Variants in RETREG1 observed in about 807,000 individuals in gnomAD.
RETREG1 encodes the protein family with sequence similarity 134 member B.
A neutral mutation model predicts 54.8 loss-of-function variants in RETREG1; 44 were observed. That is an observed-to-expected ratio of 0.80 (90% CI 0.63 to 1.03). RETREG1 has a LOEUF of 1.03. Ranked by LOEUF, RETREG1 falls within the 50% of genes least tolerant of loss-of-function variation. The probability of loss-of-function intolerance (pLI) is 0.00; values close to 1 mark genes in which losing one functional copy is unlikely to be tolerated. For missense variants in RETREG1, 554 were observed against 605.1 expected (o/e 0.92, Z 0.89); for synonymous variants, 217 against 238.5 (o/e 0.91, Z 0.83).
At chr5:16,536,798 T>C (rs1252851318) in intron 3 of RETREG1, among the ~76,000 whole-genome samples, 1 of 152,204 alleles carries the variant, frequency 6.6e-6, no homozygotes, top group African/African-American at 2.4e-5. Flanking sequence ...TCTCAGACTC[T>C]TGTCTTGCAG....
At chr5:16,556,263 A>T (rs905971856) in intron 3 of RETREG1, among the ~76,000 whole-genome samples, 1 of 151,158 alleles carries the variant, frequency 6.6e-6, no homozygotes, top group African/African-American at 2.4e-5. Context: ...GGTTCACGCC[A>T]TTCTCCTGCC....
At chr5:16,613,240 T>C (rs1420391964) in intron 1 of RETREG1, among the ~76,000 whole-genome samples, 1 of 152,188 alleles carries the variant, frequency 6.6e-6, no homozygotes, top group Non-Finnish European at 1.5e-5. Context: ...TGCCATTGCA[T>C]CTGTTTACTG....
At chr5:16,484,743 A>T (rs74469597) in intron 3 of RETREG1, among the ~76,000 whole-genome samples, 9,063 of 152,236 alleles carry the variant, frequency 0.06, 372 homozygotes, top group Non-Finnish European at 0.086. Flanking sequence ...AGCATATTTT[A>T]AAAGGGGGGA....
intron 3 of RETREG1, among the ~76,000 whole-genome samples, chr5:16,526,667 CTG>C (rs1740724819): frequency 6.6e-6 from 1 of 152,232 alleles, no homozygotes; most frequent in South Asian, 2.1e-4. Context: ...GAGTCCGACA[CTG>C]TTCTAACATT....
At chr5:16,522,266 G>C (rs917837865) in intron 3 of RETREG1, among the ~76,000 whole-genome samples, 1 of 151,926 alleles carries the variant, frequency 6.6e-6, no homozygotes, top group Non-Finnish European at 1.5e-5. Context: ...TGCTTCTTAG[G>C]AAGGGCGGAT....
At chr5:16,509,199 G>A (rs1037694888) in intron 3 of RETREG1, 3 of 200,272 alleles carry the variant, frequency 1.5e-5, no homozygotes, top group East Asian at 3.7e-4. Flanking sequence ...AGGGTTGGGG[G>A]TTTTGTTTGG....
chr5:16,538,651 G>A (rs1462825566), intron 3 of RETREG1, among the ~76,000 whole-genome samples: 1 of 152,012 alleles, frequency 6.6e-6, no homozygotes, highest in Non-Finnish European at 1.5e-5. Flanking sequence ...CCTTTCCAGT[G>A]GGGTCACAGA....
chr5:16,554,341 C>G (rs1366343616), intron 3 of RETREG1, among the ~76,000 whole-genome samples: 1 of 152,178 alleles, frequency 6.6e-6, no homozygotes, highest in Non-Finnish European at 1.5e-5. Flanking sequence ...GTGCCAGTCT[C>G]TCTCCTGTAA....
intron 3 of RETREG1, among the ~76,000 whole-genome samples, chr5:16,492,174 G>A (rs1399730528): frequency 2.0e-5 from 3 of 148,414 alleles, no homozygotes; most frequent in Non-Finnish European, 4.5e-5. Context: ...GCACCCCGCT[G>A]GAGAACATTT....
intron 3 of RETREG1, among the ~76,000 whole-genome samples, chr5:16,560,569 A>C (rs1741827837): frequency 6.6e-6 from 1 of 152,212 alleles, no homozygotes; most frequent in African/African-American, 2.4e-5. Flanking sequence ...TAACCTGAGA[A>C]TCTCAGTTGT....
intron 3 of RETREG1, among the ~76,000 whole-genome samples, chr5:16,521,302 T>C (rs779783345): frequency 3.3e-5 from 5 of 152,154 alleles, no homozygotes; most frequent in Non-Finnish European, 7.4e-5. Context: ...TGCCCCACAG[T>C]TTAAACACTT....
chr5:16,570,527 T>C (rs1742145200), intron 2 of RETREG1, among the ~76,000 whole-genome samples: 1 of 152,166 alleles, frequency 6.6e-6, no homozygotes, highest in Non-Finnish European at 1.5e-5. Flanking sequence ...TAGCTTACTC[T>C]ACACCAAGAT....
intron 1 of RETREG1, among the ~76,000 whole-genome samples, chr5:16,599,030 G>A (rs986128851): frequency 2.8e-4 from 43 of 152,032 alleles, no homozygotes; most frequent in East Asian, 1.2e-3. Context: ...CCCAGAGTGC[G>A]TCCCCATCTC....
In RETREG1 at chr5:16,541,296, A is replaced by C. The variant is rs181477135; in HGVS notation, c.458+24467T>G. Among the ~76,000 whole-genome samples, 48 of 152,276 alleles carry C rather than the reference A, an allele frequency of 3.2e-4. No individual in the cohort carries two copies. The East Asian group carries it at 9.1e-3, about 29-fold the overall frequency. The stretch of plus-strand genomic sequence containing the variant: ...GAGCAATAAATTTCCATTGTTTGTA[A>C]ATTACCCAGTCTAAGGTATTTTGTT... On this transcript the variant is annotated intron_variant, in intron 3 of 8. Coordinates refer to ENST00000306320, the MANE Select transcript of RETREG1 (RefSeq NM_001034850.3).
At chr5:16,557,273 A>G (rs1486127727) in intron 3 of RETREG1, among the ~76,000 whole-genome samples, 2 of 152,210 alleles carry the variant, frequency 1.3e-5, no homozygotes, top group East Asian at 1.9e-4. Context: ...AGTGGCCCTT[A>G]ATTGTTCAGC....
intron 3 of RETREG1, among the ~76,000 whole-genome samples, chr5:16,544,064 C>T (rs1741324539): frequency 1.3e-5 from 2 of 151,464 alleles, no homozygotes; most frequent in South Asian, 2.1e-4. Context: ...CAACCTCCGC[C>T]TCCTGGGTTA....
intron 3 of RETREG1, among the ~76,000 whole-genome samples, chr5:16,541,846 G>T (rs886871459): frequency 1.3e-5 from 2 of 151,592 alleles, no homozygotes; most frequent in Non-Finnish European, 2.9e-5. Context: ...TAACATCCAG[G>T]TTTAAAAATA....
intron 3 of RETREG1, among the ~76,000 whole-genome samples, chr5:16,483,700 G>A (rs1055192420): frequency 2.0e-5 from 3 of 152,082 alleles, no homozygotes; most frequent in Non-Finnish European, 2.9e-5. Flanking sequence ...AAACACTCAG[G>A]GAGAACAGGG....
chr5:16,543,252 G>A (rs914990231), intron 3 of RETREG1, among the ~76,000 whole-genome samples: 1 of 152,272 alleles, frequency 6.6e-6, no homozygotes, highest in East Asian at 1.9e-4. Context: ...CTGACAGATA[G>A]TTTCGGCTAT....
Sources: allele counts gnomAD v4.1 joint callset (sites outside exome capture counted in the v4.1 genomes callset), GRCh38; gene constraint gnomAD v4.1.1; transcripts MANE v1.5; gene names NCBI Gene and HGNC (gene_info 2026-07-23, HGNC 2026-07-21).